The following MATN3 variants were observed in gnomAD, a reference collection of about 807,000 sequenced individuals.
MATN3 encodes matrilin 3, also known as matrilin-3.
MATN3 carries 48 observed loss-of-function variants against 45.3 expected under a neutral mutation model. That is an observed-to-expected ratio of 1.06 (90% CI 0.84 to 1.35). MATN3 has a LOEUF of 1.35. Ranked by LOEUF, MATN3 falls within the 40% of genes most tolerant of loss-of-function variation. MATN3 has a pLI of 0.00. For missense variants in MATN3, 599 were observed against 628.0 expected, an observed-to-expected ratio of 0.95 and a Z score of 0.49; for synonymous variants, 217 against 245.9, an observed-to-expected ratio of 0.88 and a Z score of 1.10.
At position 19,995,422 on chromosome 2, in the gene MATN3, C is replaced by G. The variant is rs1010393998; in HGVS notation, c.1295-1013G>C. On this transcript the variant is annotated intron_variant, in intron 6 of 7. Transcript: ENST00000407540. The surrounding 1 kb of genome is among the most constrained non-coding windows in gnomAD (Gnocchi z 4.2). Reference sequence around the variant, plus strand: ...GAGCTGAGATCGCACCACTGCACTCCAGCCTGGGTGACAGATTGAAATGTC... The same window carrying G: ...GAGCTGAGATCGCACCACTGCACTCGAGCCTGGGTGACAGATTGAAATGTC... Among the ~76,000 whole-genome samples, 2 of 152,088 alleles carry G rather than the reference C, an allele frequency of 1.3e-5. No homozygotes were observed. Among genetic ancestry groups the G allele is most frequent in the African/African-American group, 4.8e-5 (2 of 41,404 alleles).
In MATN3 at chr2:20,012,606, C is replaced by T. The variant is rs1174171599; in HGVS notation, c.26G>A (p.Arg9His). MPRPAPAR[R>H]LPGLLLLLWP... ...GAGCAGCAGGAGGAGTCCCGGGAGG[C>T]GGCGCGCGGGGGCCGGGCGCGGCAT... is the stretch of plus-strand genomic sequence containing the variant. Residue 9 changes from arginine to histidine, a missense_variant, in exon 1 of 8, where the codon CGC becomes CAC. By Grantham distance (29) the Arg-to-His change is conservative. Coordinates refer to ENST00000407540, the MANE Select transcript of MATN3 (RefSeq NM_002381.5). The surrounding 1 kb of genome is among the most constrained non-coding windows in gnomAD (Gnocchi z 4.3). 1 of 1,220,942 alleles carries T rather than the reference C, an allele frequency of 8.2e-7. No homozygotes were observed. Among genetic ancestry groups the T allele is most frequent in the Non-Finnish European group, 1.0e-6 (1 of 981,528 alleles). The allele number at this position is 1,220,942 out of a possible 1,614,324, so 75.6% of individuals were successfully genotyped here.
Position 20,005,942 on chromosome 2 carries a change from T to C in MATN3, c.592A>G (p.Arg198Gly). The C allele has an allele frequency of 6.2e-7, 1 of 1,613,850 alleles. No individual in the cohort carries two copies. Among genetic ancestry groups the C allele is most frequent in the South Asian group, 1.1e-5 (1 of 91,048 alleles). The part of the protein sequence containing the change: ...PKVAIIVTDG[R>G]PQDQVNEVAA... ...ACCTCATTCACCTGGTCCTGGGGCC[T>C]CCCATCTGTAACAATGATGGCCACC... is the stretch of plus-strand genomic sequence containing the variant. The change falls in exon 2 of 8, where the codon AGG becomes GGG. Residue 198 changes from arginine to glycine, a missense_variant. Transcript: ENST00000407540.
At position 20,002,028 on chromosome 2, in the gene MATN3, A is replaced by G. The variant is rs188801722; in HGVS notation, c.969T>C (p.Asn323=). 73 of 1,612,946 alleles carry G rather than the reference A, an allele frequency of 4.5e-5. No homozygotes were observed. The highest frequency in any genetic ancestry group is 5.4e-5 in the Non-Finnish European group (64 of 1,178,946). The change falls in exon 4 of 8, where the codon AAT becomes AAC. Residue 323 remains asparagine (N), a synonymous_variant. Coordinates refer to ENST00000407540, the MANE Select transcript of MATN3 (RefSeq NM_002381.5). ...CACAATGATAAGAGCCACTTCTGTCATTCACACAGATGTGCTCACATCCGT... is the reference window on the plus strand; with the variant it reads ...CACAATGATAAGAGCCACTTCTGTCGTTCACACAGATGTGCTCACATCCGT... ...NTHGCEHICV[N]DRSGSYHCEC...
chr2:20,006,713 G>A (rs1358175709), intron 1 of MATN3, among the ~76,000 whole-genome samples: 1 of 152,138 alleles, frequency 6.6e-6, no homozygotes, highest in African/African-American at 2.4e-5. Context: ...AAGGCCTTGG[G>A]CCCTCAGGGA....
Position 20,012,613 on chromosome 2 carries a change from CG to C in MATN3, c.18del (p.Ala7ArgfsTer96), listed in dbSNP as rs1466789275. On this transcript the variant is annotated frameshift_variant, in exon 1 of 8. Coordinates refer to ENST00000407540, the MANE Select transcript of MATN3 (RefSeq NM_002381.5). LOFTEE classifies it high-confidence loss of function. This position sits in a 1 kb window ranked among gnomAD's most constrained non-coding sequence, Gnocchi z 4.3. MPRPA[P>X]ARRLPGLLLL... Reference sequence around the variant, plus strand: ...AGGAGGAGTCCCGGGAGGCGGCGCGCGGGGGCCGGGCGCGGCATGGTGGGCT... The same window carrying C: ...AGGAGGAGTCCCGGGAGGCGGCGCGCGGGGCCGGGCGCGGCATGGTGGGCT... The C allele has an allele frequency of 8.2e-7, 1 of 1,218,340 alleles. No homozygotes were observed. The allele number at this position is 1,218,340 out of a possible 1,614,324, so 75.5% of individuals were successfully genotyped here.
At chr2:20,004,574 T>C (rs1673060682) in intron 2 of MATN3, among the ~76,000 whole-genome samples, 1 of 152,212 alleles carries the variant, frequency 6.6e-6, no homozygotes, top group Non-Finnish European at 1.5e-5. Context: ...AGGCCAAACG[T>C]TGCCCCAGAG....
chr2:19,994,490 G>T, intron 6 of MATN3, 81 bp from the exon 7 acceptor site: 3 of 825,964 alleles, frequency 3.6e-6, no homozygotes, highest in South Asian at 1.6e-5. Context: ...ATCCACAGTT[G>T]AATATTTCCA....
rs1572388863 is a variant in MATN3, at chr2:20,012,378, C to T, written c.223+31G>A. ...GCCCTGGGCTTCTCCTCGTTCGATG[C>T]TCACGCGTCCCTCCCGCCGCCCGCC... is the stretch of plus-strand genomic sequence containing the variant. On this transcript the variant is annotated intron_variant, in intron 1 of 7. Coordinates refer to ENST00000407540, the MANE Select transcript of MATN3 (RefSeq NM_002381.5). This position sits in a 1 kb window ranked among gnomAD's most constrained non-coding sequence, Gnocchi z 4.3. 8.2e-7 allele frequency: 1 copy of T among 1,223,232 alleles called. No individual in the cohort carries two copies. The highest frequency in any genetic ancestry group is 1.0e-6 in the Non-Finnish European group (1 of 981,478). 75.8% of individuals were successfully genotyped at this position (1,223,232 alleles called of 1,614,324 possible).
At chr2:20,010,396 G>A (rs186644776) in intron 1 of MATN3, among the ~76,000 whole-genome samples, 14 of 151,524 alleles carry the variant, frequency 9.2e-5, no homozygotes, top group East Asian at 1.9e-4. Flanking sequence ...AATGTCCCCC[G>A]CCAAAGACGT....
chr2:20,002,040 G>A lies in MATN3; in HGVS notation c.957C>T (p.His319=). 1.2e-6 allele frequency: 2 copies of A among 1,613,558 alleles called. No individual in the cohort carries two copies. The highest frequency in any genetic ancestry group is 1.7e-6 in the Non-Finnish European group (2 of 1,179,590). The change falls in exon 4 of 8, where the codon CAC becomes CAT. Residue 319 remains histidine, a synonymous_variant. Transcript: ENST00000407540. ...AGCCACTTCTGTCATTCACACAGAT[G>A]TGCTCACATCCGTGGGTGTTAAGAG... The part of the protein sequence containing the change: ...RCALNTHGCE[H]ICVNDRSGSY...
At chr2:19,998,225 T>C (rs1012930553) in intron 5 of MATN3, among the ~76,000 whole-genome samples, 1 of 152,012 alleles carries the variant, frequency 6.6e-6, no homozygotes, top group African/African-American at 2.4e-5. Flanking sequence ...CAATTTAGAT[T>C]TTTTTTTCAG....
chr2:19,994,477 G>T, intron 6 of MATN3, 68 bp from the exon 7 acceptor site: 1 of 895,908 alleles, frequency 1.1e-6, no homozygotes, highest in South Asian at 1.6e-5. Context: ...AACAAATCAG[G>T]AAATCCACAG....
chr2:19,998,752 T>C (rs1309635695), intron 5 of MATN3, among the ~76,000 whole-genome samples: 2 of 131,200 alleles, frequency 1.5e-5, no homozygotes, highest in East Asian at 2.4e-4. Context: ...TGAGACCCTG[T>C]CTCAAAAAAG....
rs2103487169 is a variant in MATN3 at position 20,012,513 on chromosome 2, T to C, written c.119A>G (p.Glu40Gly). 1 of 1,228,196 alleles carries C rather than the reference T, an allele frequency of 8.1e-7. No individual in the cohort carries two copies. Among genetic ancestry groups the C allele is most frequent in the Non-Finnish European group, 1.0e-6 (1 of 985,870 alleles). 76.1% of individuals were successfully genotyped at this position (1,228,196 alleles called of 1,614,324 possible). A position where few individuals can be genotyped will look rare whatever the true frequency, so the allele number is the denominator to read the frequency against. The change falls in exon 1 of 8, where the codon GAG becomes GGG. Residue 40 changes from glutamate (E) to glycine (G), a missense_variant. Coordinates refer to ENST00000407540, the MANE Select transcript of MATN3 (RefSeq NM_002381.5). The surrounding 1 kb of genome is among the most constrained non-coding windows in gnomAD (Gnocchi z 4.3). ...PVARPGFRRL[E>G]TRGPGGSPGR... ...AGGGCTGCCCCCGGGACCTCGGGTC[T>C]CCAGCCTCCGGAAGCCCGGGCGGGC...
chr2:20,011,451 A>G (rs542243059), intron 1 of MATN3, among the ~76,000 whole-genome samples: 54 of 152,346 alleles, frequency 3.5e-4, no homozygotes, highest in Middle Eastern at 6.8e-3. Flanking sequence ...TGAGTCAGGA[A>G]AGAGTCCCTT....
At chr2:19,994,276 A>C in intron 7 of MATN3, 23 bp downstream of exon 7, 1 of 1,542,318 alleles carries the variant, frequency 6.5e-7, no homozygotes, top group Non-Finnish European at 8.9e-7. Flanking sequence ...AGGCAGAAGG[A>C]GAAAACCTTC....
At position 20,006,069 on chromosome 2, in the gene MATN3, G is replaced by C; in HGVS notation, c.465C>G (p.Pro155=). Residue 155 remains proline (P), a synonymous_variant, in exon 2 of 8, where the codon CCC becomes CCG. Coordinates refer to ENST00000407540, the MANE Select transcript of MATN3 (RefSeq NM_002381.5). ...SLKQAVGRIT[P]LSTGTMSGLA... ...GGCCTGACATGGTGCCTGTTGACAA[G>C]GGTGTGATTCGACCCACGGCCTGCT... The C allele has an allele frequency of 6.2e-7, 1 of 1,614,034 alleles. No individual in the cohort carries two copies. The highest frequency in any genetic ancestry group is 8.5e-7 in the Non-Finnish European group (1 of 1,179,896).
rs1423813745 is a variant in MATN3, at chr2:19,992,599, ACTC to A, written c.*509_*511del. 6.4e-6 allele frequency: 1 copy of A among 155,266 alleles called. No individual in the cohort carries two copies. The highest frequency in any genetic ancestry group is 1.4e-5 in the Non-Finnish European group (1 of 70,180). The allele number at this position is 155,266 out of a possible 1,614,324, so 9.6% of individuals were successfully genotyped here. A position where few individuals can be genotyped will look rare whatever the true frequency, so the allele number is the denominator to read the frequency against. On this transcript the variant is annotated 3_prime_UTR_variant, in exon 8 of 8. Coordinates refer to ENST00000407540, the MANE Select transcript of MATN3 (RefSeq NM_002381.5). ...ATCTATTGATCACATCTTCAATAAT[ACTC>A]CAACAAAATAAGCAAAAAACAAAAA...
chr2:20,001,914 G>T (rs1292729347), intron 4 of MATN3, 41 bp downstream of exon 4: 28 of 1,592,776 alleles, frequency 1.8e-5, no homozygotes, highest in Non-Finnish European at 2.4e-5. Flanking sequence ...TAGGTAGGCA[G>T]AGAGCTAAGT....
Sources: allele counts gnomAD v4.1 joint callset (sites outside exome capture counted in the v4.1 genomes callset), GRCh38; gene constraint gnomAD v4.1.1; non-coding constraint Gnocchi (gnomAD v3.1); transcripts MANE v1.5; gene names NCBI Gene and HGNC (gene_info 2026-07-23, HGNC 2026-07-21).